Variants in ABCA3 observed in about 807,000 individuals in gnomAD.
ABCA3 encodes phospholipid-transporting ATPase ABCA3.
Under a neutral mutation model 172.8 loss-of-function variants are expected in ABCA3, and 88 were observed. That is an observed-to-expected ratio of 0.51 (90% CI 0.43 to 0.61). The LOEUF (loss-of-function observed/expected upper bound fraction) is 0.61, where lower values mean the gene tolerates loss of function less well. Ranked by LOEUF, ABCA3 falls within the 20% of genes least tolerant of loss-of-function variation. The pLI is 0.00. For synonymous variants in ABCA3, 1,066 were observed against 983.8 expected (o/e 1.08, Z -1.56); for missense variants, 2,164 against 2,301.0 (o/e 0.94, Z 1.22).
rs1297151924 is a variant in ABCA3 at position 2,281,412 on chromosome 16, T to C, written c.4133A>G (p.His1378Arg). The C allele has an allele frequency of 6.2e-7, 1 of 1,613,734 alleles. No individual in the cohort carries two copies. Among genetic ancestry groups the C allele is most frequent in the Non-Finnish European group, 8.5e-7 (1 of 1,179,992 alleles). Reference protein sequence around the residue: ...ILAPSPDSLLHTPLIIKELSK... With the variant: ...ILAPSPDSLLRTPLIIKELSK... ...GAGCTCCTTGATAATCAGAGGTGTGTGGAGCAGGGAGTCCGGACTGGGGGC... is the reference window on the plus strand; with the variant it reads ...GAGCTCCTTGATAATCAGAGGTGTGCGGAGCAGGGAGTCCGGACTGGGGGC... The change falls in exon 27 of 33, where the codon CAC becomes CGC. Residue 1378 changes from histidine to arginine, a missense_variant. His to Arg is a conservative substitution (Grantham distance 29). This residue lies in a region of ABCA3 where 795 missense variants were observed against 881.9 expected (regional missense o/e 0.90). Transcript: ENST00000301732. This position sits in a 1 kb window ranked among gnomAD's most constrained non-coding sequence, Gnocchi z 4.7.
At chr16:2,301,006 G>GA (rs2093688167) in intron 12 of ABCA3, among the ~76,000 whole-genome samples, 1 of 151,750 alleles carries the variant, frequency 6.6e-6, no homozygotes, top group East Asian at 1.9e-4. Flanking sequence ...CGAGGCGGGC[G>GA]GATCATGAGG....
intron 1 of ABCA3, chr16:2,339,132 A>G (rs2093756430): frequency 6.6e-6 from 1 of 152,166 alleles, no homozygotes; most frequent in Non-Finnish European, 1.5e-5. Flanking sequence ...CTTCCCCTCA[A>G]TAGATTCCAC....
intron 11 of ABCA3, among the ~76,000 whole-genome samples, chr16:2,304,907 C>T (rs1596849480): frequency 1.3e-5 from 2 of 152,132 alleles, no homozygotes; most frequent in South Asian, 2.1e-4. Context: ...GATCTCCTGA[C>T]CTTGTGATTC....
rs768083266 is a variant in ABCA3 at position 2,285,489 on chromosome 16, G to C, written c.3436C>G (p.Leu1146Val). 2 of 1,611,954 alleles carry C rather than the reference G, an allele frequency of 1.2e-6. No homozygotes were observed. The highest frequency in any genetic ancestry group is 4.5e-5 in the East Asian group (2 of 44,800). Reference sequence around the variant, plus strand: ...AGGAAGGAGATGAGGTCCCACAGCAGAGCAGAGAGCCAGAAACTGGCCACG... The same window carrying C: ...AGGAAGGAGATGAGGTCCCACAGCACAGCAGAGAGCCAGAAACTGGCCACG... Reference protein sequence around the residue: ...VHVASFWLSALLWDLISFLIP... With the variant: ...VHVASFWLSAVLWDLISFLIP... The change falls in exon 23 of 33, where the codon CTG becomes GTG. Residue 1146 changes from leucine (L) to valine (V), a missense_variant. Physicochemically the swap from Leu to Val is conservative, Grantham distance 32. Around this residue, in one of 3 missense-constraint regions of ABCA3, gnomAD observed 795 missense variants for 881.9 expected, o/e 0.90. Coordinates refer to ENST00000301732, the MANE Select transcript of ABCA3 (RefSeq NM_001089.3). The surrounding 1 kb of genome is among the most constrained non-coding windows in gnomAD (Gnocchi z 4.7).
At chr16:2,280,835 C>G (rs2093653815) in intron 28 of ABCA3, among the ~76,000 whole-genome samples, 192 bp downstream of exon 28, 2 of 152,208 alleles carry the variant, frequency 1.3e-5, no homozygotes, top group African/African-American at 2.4e-5. Context: ...CCCCTCCCAT[C>G]ACCTGCTAGT....
intron 7 of ABCA3, chr16:2,323,208 G>A: frequency 2.2e-6 from 1 of 457,770 alleles, no homozygotes; most frequent in Non-Finnish European, 4.0e-6. Context: ...CTGTTGGTGG[G>A]ACTGTAAACT....
chr16:2,322,052 G>C (rs2093726873), intron 7 of ABCA3, among the ~76,000 whole-genome samples: 1 of 152,056 alleles, frequency 6.6e-6, no homozygotes, highest in Admixed American at 6.6e-5. Context: ...ACAAAAATTA[G>C]CTGGGCGTGG....
chr16:2,281,291 C>T lies in ABCA3; in HGVS notation c.4165-70G>A, dbSNP rs71386663. 3.6e-3 allele frequency: 5,768 copies of T among 1,613,072 alleles called. 25 individuals are homozygous for T. The highest frequency in any genetic ancestry group is 3.5e-3 in the Non-Finnish European group (4,167 of 1,179,810). On this transcript the variant is annotated intron_variant, in intron 27 of 32. Transcript: ENST00000301732. This position sits in a 1 kb window ranked among gnomAD's most constrained non-coding sequence, Gnocchi z 4.7. ...CAAAGCAGAGCAGTCTGAGCCTCAG[C>T]GCCGAAAGCTTCCAGGGATGGGGTC... is the stretch of plus-strand genomic sequence containing the variant.
intron 10 of ABCA3, among the ~76,000 whole-genome samples, chr16:2,316,183 C>T (rs553966417): frequency 1.5e-5 from 2 of 134,906 alleles, no homozygotes; most frequent in South Asian, 2.4e-4. Flanking sequence ...TGGCAGGTAA[C>T]GGTGGTGTGA....
At chr16:2,304,194 G>A in intron 11 of ABCA3, 44 bp from the exon 12 acceptor site, 1 of 1,611,060 alleles carries the variant, frequency 6.2e-7, no homozygotes, top group Non-Finnish European at 8.5e-7. Context: ...CAGCAGGCTG[G>A]GGGGCCCAGG....
chr16:2,279,083 G>A lies in ABCA3; in HGVS notation c.4407C>T (p.Asp1469=), dbSNP rs374931466. The A allele has an allele frequency of 1.5e-5, 24 of 1,612,760 alleles. No individual in the cohort carries two copies. In the South Asian group the frequency reaches 2.4e-4, roughly 16 times the overall value. The change falls in exon 29 of 33, where the codon GAC becomes GAT. Residue 1469 remains aspartate, a synonymous_variant. Transcript: ENST00000301732. The surrounding 1 kb of genome is among the most constrained non-coding windows in gnomAD (Gnocchi z 4.4). Reference sequence around the variant, plus strand: ...CCAGCATCTCCCGGCCTGTCATGTGGTCCAGCAAGGCATCAAACTGCGGGC... The same window carrying A: ...CCAGCATCTCCCGGCCTGTCATGTGATCCAGCAAGGCATCAAACTGCGGGC... ...GYCPQFDALL[D]HMTGREMLVM...
intron 1 of ABCA3, among the ~76,000 whole-genome samples, chr16:2,334,181 C>T (rs961244800): frequency 5.9e-5 from 9 of 152,060 alleles, no homozygotes; most frequent in South Asian, 2.1e-4. Context: ...CATGGGAAGC[C>T]GGTCTTGAAT....
rs1412802342 is a variant in ABCA3 at position 2,321,049 on chromosome 16, A to T, written c.614-1209T>A. ...CGTGTCTGGCAAATTTCCAGTTTGT[A>T]CATGCTGAAATCTGTCAGTCTTTTC... On this transcript the variant is annotated intron_variant, in intron 7 of 32. Transcript: ENST00000301732. Among the ~76,000 whole-genome samples the T allele has an allele frequency of 2.9e-5, 4 of 138,154 alleles. No individual in the cohort carries two copies. In the Admixed American group the frequency reaches 3.2e-4, roughly 11 times the overall value. 90.6% of individuals were successfully genotyped at this position (138,154 alleles called of 152,430 possible).
rs775327474 is a variant in ABCA3, at chr16:2,276,382, G to T, written c.*292C>A. On this transcript the variant is annotated 3_prime_UTR_variant, in exon 33 of 33. Transcript: ENST00000301732. ...CCCAGCTCAGCTGCAGCCCTTCCTG[G>T]GTCAGCTCTCCACCCAGAGACCCCG... The T allele has an allele frequency of 6.8e-5, 38 of 555,096 alleles. No homozygotes were observed. Among genetic ancestry groups the T allele is most frequent in the African/African-American group, 6.7e-4 (36 of 53,504 alleles). 34.4% of individuals were successfully genotyped at this position (555,096 alleles called of 1,614,324 possible). A position where few individuals can be genotyped will look rare whatever the true frequency, so the allele number is the denominator to read the frequency against.
At chr16:2,280,673 C>T (rs2093653614) in intron 28 of ABCA3, among the ~76,000 whole-genome samples, 1 of 152,050 alleles carries the variant, frequency 6.6e-6, no homozygotes, top group Admixed American at 6.5e-5. Flanking sequence ...CATGGGAAAG[C>T]TGGGCGGGCC....
chr16:2,300,278 G>C (rs931143165), intron 12 of ABCA3, 130 bp from the exon 13 acceptor site: 3 of 1,334,338 alleles, frequency 2.2e-6, no homozygotes, highest in African/African-American at 1.5e-5. Context: ...TGTGGAGAAG[G>C]CGCTACTCAG....
chr16:2,284,272 C>G lies in ABCA3; in HGVS notation c.3862+7G>C. On this transcript the variant is annotated splice_region_variant and intron_variant, in intron 25 of 32. Coordinates refer to ENST00000301732, the MANE Select transcript of ABCA3 (RefSeq NM_001089.3). This position sits in a 1 kb window ranked among gnomAD's most constrained non-coding sequence, Gnocchi z 5.9. ...GTGCTGCCCGGGGTCGGGGCTGGGACACTCACTATATTTCTTGCAGTAGTG... is the reference window on the plus strand; with the variant it reads ...GTGCTGCCCGGGGTCGGGGCTGGGAGACTCACTATATTTCTTGCAGTAGTG... 1.9e-6 allele frequency: 3 copies of G among 1,611,816 alleles called. No individual in the cohort carries two copies. Among genetic ancestry groups the G allele is most frequent in the Non-Finnish European group, 2.5e-6 (3 of 1,178,574 alleles).
chr16:2,284,977 C>A lies in ABCA3; in HGVS notation c.3505G>T (p.Val1169Leu), dbSNP rs546091864. The change falls in exon 24 of 33, where the codon GTG (valine) becomes TTG (leucine). Residue 1169 changes from valine (V) to leucine (L), a missense_variant. Coordinates refer to ENST00000301732, the MANE Select transcript of ABCA3 (RefSeq NM_001089.3). This position sits in a 1 kb window ranked among gnomAD's most constrained non-coding sequence, Gnocchi z 5.9. ...TGGCCGTCCCGCGTGAAGGCACGCA[C>A]GTCGAAGGCCTTAAACACCACCTGC... ...LLLVVFKAFD[V>L]RAFTRDGHMA... 2 of 1,613,490 alleles carry A rather than the reference C, an allele frequency of 1.2e-6. No individual in the cohort carries two copies. Among genetic ancestry groups the A allele is most frequent in the Middle Eastern group, 1.7e-4 (1 of 5,880 alleles).
Position 2,284,030 on chromosome 16 carries a change from G to T in ABCA3, c.3862+249C>A. 2.0e-6 allele frequency: 1 copy of T among 489,878 alleles called. No individual in the cohort carries two copies. Among genetic ancestry groups the T allele is most frequent in the Admixed American group, 3.3e-5 (1 of 30,090 alleles). 30.3% of individuals were successfully genotyped at this position (489,878 alleles called of 1,614,324 possible). A position where few individuals can be genotyped will look rare whatever the true frequency, so the allele number is the denominator to read the frequency against. ...GGATTCACTCCTCGTGCTAAGCGCT[G>T]GTCTGTGGTTCCTTGTTACAGATGC... On this transcript the variant is annotated intron_variant, in intron 25 of 32. Coordinates refer to ENST00000301732, the MANE Select transcript of ABCA3 (RefSeq NM_001089.3). This position sits in a 1 kb window ranked among gnomAD's most constrained non-coding sequence, Gnocchi z 5.9.
Sources: gnomAD v4.1 joint callset for allele counts (sites outside exome capture counted in the v4.1 genomes callset) on GRCh38, gnomAD v4.1.1 for gene constraint, gnomAD v4.1.1 regional missense constraint, Gnocchi (gnomAD v3.1) non-coding constraint, MANE v1.5 for transcripts, NCBI Gene and HGNC (gene_info 2026-07-23, HGNC 2026-07-21) for gene names.